Variants in BRINP3 observed in about 807,000 individuals in gnomAD.
The protein encoded by BRINP3 is BMP/retinoic acid-inducible neural-specific protein 3.
BRINP3 carries 19 observed loss-of-function variants against 71.0 expected under a neutral mutation model. The ratio of observed to expected loss-of-function variants is 0.27; its 90% CI spans 0.19 to 0.39. The LOEUF (loss-of-function observed/expected upper bound fraction) is 0.39, where lower values mean the gene tolerates loss of function less well. BRINP3 is among the 10% of genes least tolerant of loss of function. BRINP3 has a pLI of 1.00. For synonymous variants in BRINP3, 380 were observed against 337.7 expected, an observed-to-expected ratio of 1.13 and a Z score of -1.37; for missense variants, 959 against 940.8, an observed-to-expected ratio of 1.02 and a Z score of -0.25.
At chr1:190,380,640 C>T (rs1571906355) in intron 2 of BRINP3, among the ~76,000 whole-genome samples, 1 of 152,010 alleles carries the variant, frequency 6.6e-6, no homozygotes, top group African/African-American at 2.4e-5. Flanking sequence ...CCATTATGAT[C>T]AGTAAAAGTA....
chr1:190,318,421 C>T (rs1666027019), intron 2 of BRINP3, among the ~76,000 whole-genome samples: 3 of 152,018 alleles, frequency 2.0e-5, no homozygotes, highest in African/African-American at 4.8e-5. Context: ...CTATGGAAAG[C>T]AATATATCTC....
At chr1:190,470,584 T>G (rs2102706029) in intron 1 of BRINP3, among the ~76,000 whole-genome samples, 1 of 151,240 alleles carries the variant, frequency 6.6e-6, no homozygotes, top group South Asian at 2.1e-4. Context: ...GGGTACTTTT[T>G]AACTCTAAAC....
At chr1:190,217,357 AAT>A (rs968426934) in intron 6 of BRINP3, among the ~76,000 whole-genome samples, 4 of 151,864 alleles carry the variant, frequency 2.6e-5, no homozygotes, top group Non-Finnish European at 5.9e-5. Context: ...GCAAAAAAAA[AAT>A]GTTTCTCTTA....
intron 2 of BRINP3, among the ~76,000 whole-genome samples, chr1:190,298,826 T>C (rs887557413): frequency 2.0e-5 from 3 of 152,188 alleles, no homozygotes; most frequent in African/African-American, 7.2e-5. Context: ...AGATCATGTT[T>C]GTTGACATTG....
intron 2 of BRINP3, among the ~76,000 whole-genome samples, chr1:190,415,465 A>G (rs1001684465): frequency 6.6e-6 from 1 of 152,202 alleles, no homozygotes; most frequent in African/African-American, 2.4e-5. Flanking sequence ...GCAAAATAAA[A>G]CCAAAAAAGC....
intron 2 of BRINP3, among the ~76,000 whole-genome samples, chr1:190,373,251 G>C (rs528280176): frequency 2.0e-5 from 3 of 151,850 alleles, no homozygotes; most frequent in Non-Finnish European, 4.4e-5. Flanking sequence ...TTAGCCAGGC[G>C]TGGTGGTGCA....
At chr1:190,311,189 T>G (rs1195971656) in intron 2 of BRINP3, among the ~76,000 whole-genome samples, 4 of 151,688 alleles carry the variant, frequency 2.6e-5, no homozygotes, top group Non-Finnish European at 5.9e-5. Context: ...GACTGCAGTT[T>G]GAAAAAGTAG....
At chr1:190,282,703 A>T (rs1219986837) in intron 2 of BRINP3, among the ~76,000 whole-genome samples, 5 of 151,996 alleles carry the variant, frequency 3.3e-5, no homozygotes, top group African/African-American at 1.2e-4. Context: ...TCATCTACTG[A>T]TGAGACCCAC....
intron 1 of BRINP3, among the ~76,000 whole-genome samples, chr1:190,462,672 A>AT (rs1178853585): frequency 1.3e-5 from 2 of 151,990 alleles, no homozygotes; most frequent in African/African-American, 4.8e-5. Context: ...ATTTCACGAA[A>AT]TTTTCTTATT....
chr1:190,206,963 T>A (rs1188019850), intron 6 of BRINP3, among the ~76,000 whole-genome samples: 1 of 151,444 alleles, frequency 6.6e-6, no homozygotes, highest in East Asian at 2.0e-4. Context: ...AATATCATGT[T>A]TGGGTTTTTT....
At position 190,468,535 on chromosome 1, in the gene BRINP3, A is replaced by G. The variant is rs1676916757; in HGVS notation, c.-51+8913T>C. On this transcript the variant is annotated intron_variant, in intron 1 of 7. Coordinates refer to ENST00000367462, the MANE Select transcript of BRINP3 (RefSeq NM_199051.3). The stretch of plus-strand genomic sequence containing the variant: ...TGAAAGATACATACAAAAACCTGCC[A>G]GAGTTCACTCTAAAAGGAAACAAGA... Among the ~76,000 whole-genome samples the G allele has an allele frequency of 1.3e-5, 2 of 151,296 alleles. 1 individual carries two copies. The highest frequency in any genetic ancestry group is 4.1e-4 in the South Asian group (2 of 4,836).
intron 2 of BRINP3, among the ~76,000 whole-genome samples, chr1:190,352,470 C>A (rs1668451173): frequency 6.6e-6 from 1 of 151,776 alleles, no homozygotes; most frequent in Non-Finnish European, 1.5e-5. Context: ...AAATTTCTAT[C>A]CTGCTAAGAA....
intron 2 of BRINP3, among the ~76,000 whole-genome samples, chr1:190,429,625 C>A (rs1014839847): frequency 1.4e-4 from 20 of 142,966 alleles, no homozygotes; most frequent in African/African-American, 5.2e-4. Context: ...GAGTCTTGCT[C>A]TGTCACCCAG....
At chr1:190,283,478 T>G (rs576163092) in intron 2 of BRINP3, among the ~76,000 whole-genome samples, 1 of 151,838 alleles carries the variant, frequency 6.6e-6, no homozygotes, top group Non-Finnish European at 1.5e-5. Flanking sequence ...AGGGCTTTTA[T>G]AGGCTGAATT....
rs184407244 is a variant in BRINP3 at position 190,320,145 on chromosome 1, G to T, written c.237-38395C>A. Among the ~76,000 whole-genome samples, 447 of 151,934 alleles carry T rather than the reference G, an allele frequency of 2.9e-3. 2 individuals carry two copies. The highest frequency in any genetic ancestry group is 5.2e-3 in the Non-Finnish European group (352 of 67,970). On this transcript the variant is annotated intron_variant, in intron 2 of 7. Coordinates refer to ENST00000367462, the MANE Select transcript of BRINP3 (RefSeq NM_199051.3). ...ACACAGGGTGATTGATATACACAGG[G>T]TTAACTTCCTACAGTATATTTCTGG...
In BRINP3 at chr1:190,226,108, G is replaced by A. The variant is rs1402980680; in HGVS notation, c.935C>T (p.Ala312Val). ...TGATTCCTCAAAGTCACTGTTGTAA[G>A]CTTTCCAGGTTTCAGTTATTCGAAG... Reference protein sequence around the residue: ...NLLRITETWKAYNSDFEESDE... With the variant: ...NLLRITETWKVYNSDFEESDE... The change falls in exon 6 of 8, where the codon GCT (alanine) becomes GTT (valine). Residue 312 changes from alanine to valine, a missense_variant. Physicochemically the swap from Ala to Val is moderately conservative, Grantham distance 64 (BLOSUM62 0). Transcript: ENST00000367462. 1.2e-6 allele frequency: 2 copies of A among 1,603,948 alleles called. No individual in the cohort carries two copies. Among genetic ancestry groups the A allele is most frequent in the African/African-American group, 1.3e-5 (1 of 74,402 alleles).
chr1:190,361,377 T>G (rs569165775), intron 2 of BRINP3, among the ~76,000 whole-genome samples: 11 of 152,006 alleles, frequency 7.2e-5, no homozygotes, highest in African/African-American at 1.7e-4. Flanking sequence ...TAGGAAAATA[T>G]AAGACCAGTT....
intron 6 of BRINP3, among the ~76,000 whole-genome samples, chr1:190,193,920 T>C (rs1223196113): frequency 6.6e-6 from 1 of 152,082 alleles, no homozygotes; most frequent in Non-Finnish European, 1.5e-5. Flanking sequence ...GATGGCCTAA[T>C]AACACTAACC....
In BRINP3 at chr1:190,188,745, G is replaced by A. The variant is rs117177821; in HGVS notation, c.962-27855C>T. Among the ~76,000 whole-genome samples the A allele has an allele frequency of 1.8e-3, 278 of 150,850 alleles. 10 individuals carry two copies. The East Asian group carries it at 0.045, about 24-fold the overall frequency. On this transcript the variant is annotated intron_variant, in intron 6 of 7. Coordinates refer to ENST00000367462, the MANE Select transcript of BRINP3 (RefSeq NM_199051.3). ...GATGATCTTATTAATGTGCTGTCAT[G>A]TTTGGCTTGCTGGTATCTTTTTTTT... is the stretch of plus-strand genomic sequence containing the variant.
Sources: gnomAD v4.1 joint callset for allele counts (sites outside exome capture counted in the v4.1 genomes callset) on GRCh38, gnomAD v4.1.1 for gene constraint, MANE v1.5 for transcripts, NCBI Gene and HGNC (gene_info 2026-07-23, HGNC 2026-07-21) for gene names.